The following FANCA variants were observed in gnomAD, a reference collection of about 807,000 sequenced individuals.
The protein encoded by FANCA is Fanconi anemia group A protein.
FANCA carries 236 observed loss-of-function variants against 194.3 expected under a neutral mutation model. The observed-to-expected ratio is 1.21, with a 90% confidence interval of 1.09 to 1.35. The LOEUF (loss-of-function observed/expected upper bound fraction) is 1.35. FANCA is among the 40% of genes most tolerant of loss of function. The pLI is 0.00. For synonymous variants in FANCA, 1,014 were observed against 715.8 expected (o/e 1.42, Z -6.65); for missense variants, 2,628 against 1,813.9 (o/e 1.45, Z -8.15).
In FANCA at chr16:89,742,992, C is replaced by T; in HGVS notation, c.3627-54G>A. On this transcript the variant is annotated intron_variant, in intron 36 of 42. Transcript: ENST00000389301. ...GGGCCTTACAACCATACAACCACGC[C>T]ATAGAAACCAAGTCCTTATTCCCAC... is the stretch of plus-strand genomic sequence containing the variant. The T allele has an allele frequency of 3.1e-6, 5 of 1,588,350 alleles. 1 individual carries two copies. The South Asian group carries it at 3.4e-5, about 11-fold the overall frequency.
intron 10 of FANCA, chr16:89,798,596 C>G (rs2040327448): frequency 8.7e-7 from 1 of 1,150,534 alleles, no homozygotes; most frequent in Non-Finnish European, 1.1e-6. Flanking sequence ...TCCACCAAAC[C>G]CCGATGTCCA....
chr16:89,782,273 AGG>A (rs1178733517), intron 17 of FANCA, among the ~76,000 whole-genome samples: 4 of 151,698 alleles, frequency 2.6e-5, no homozygotes, highest in Non-Finnish European at 5.9e-5. Context: ...GCACTTTGAG[AGG>A]CCAAGGCGGG....
At chr16:89,771,526 C>G in intron 23 of FANCA, 152 bp downstream of exon 23, 1 of 807,364 alleles carries the variant, frequency 1.2e-6, no homozygotes. Context: ...GGCAGCTGAC[C>G]CTGGTACACC....
At chr16:89,747,250 C>A (rs557802409) in intron 33 of FANCA, among the ~76,000 whole-genome samples, 11 of 152,364 alleles carry the variant, frequency 7.2e-5, no homozygotes, top group African/African-American at 2.6e-4. Flanking sequence ...CTGGTCCCTT[C>A]ACTAACCAAG....
chr16:89,787,305 C>T (rs1444213449), intron 14 of FANCA, among the ~76,000 whole-genome samples: 2 of 152,162 alleles, frequency 1.3e-5, no homozygotes, highest in South Asian at 2.1e-4. Flanking sequence ...GGGCAGATCA[C>T]GAGTTCAGGA....
In FANCA at chr16:89,745,009, C is replaced by T. The variant is rs553086820; in HGVS notation, c.3576G>A (p.Pro1192=). 1.2e-4 allele frequency: 190 copies of T among 1,610,906 alleles called. 1 individual carries two copies. In the South Asian group the frequency reaches 1.7e-3, roughly 14 times the overall value. ...LCRWRRHCQS[P]LPRELQKLQE... is the part of the protein sequence containing the mutation. ...GTAGCTTCTGCAGTTCCCGGGGCAG[C>T]GGGCTCTGGCAGTGTCTCCTCCACC... The change falls in exon 36 of 43, where the codon CCG becomes CCA. Residue 1192 remains proline (P), a synonymous_variant. Transcript: ENST00000389301.
intron 39 of FANCA, 165 bp from the exon 40 acceptor site, chr16:89,739,718 G>A: frequency 5.3e-6 from 8 of 1,505,936 alleles, no homozygotes; most frequent in Non-Finnish European, 7.1e-6. Context: ...GTCAGCAGCT[G>A]GGAGAGGATG....
At position 89,773,336 on chromosome 16, in the gene FANCA, A is replaced by T. The variant is rs965355095; in HGVS notation, c.1949T>A (p.Leu650Gln). The change falls in exon 22 of 43, where the codon CTG (leucine) becomes CAG (glutamine). Residue 650 changes from leucine (L) to glutamine (Q), a missense_variant. Transcript: ENST00000389301. ...RAEPNSAEEP[L>Q]GQLTAALGEL... ...TCCCAGTGCAGCTGTGAGCTGTCCC[A>T]GGGGCTCCTCAGCAGAGTTGGGTTC... 1.7e-5 allele frequency: 27 copies of T among 1,551,592 alleles called. No individual in the cohort carries two copies. Among genetic ancestry groups the T allele is most frequent in the Non-Finnish European group, 2.3e-5 (26 of 1,146,984 alleles).
In FANCA at chr16:89,767,153, G is replaced by T. The variant is rs72807571; in HGVS notation, c.2589C>A (p.Gly863=). 744 of 1,611,196 alleles carry T rather than the reference G, an allele frequency of 4.6e-4. No individual in the cohort carries two copies. The highest frequency in any genetic ancestry group is 6.2e-4 in the Non-Finnish European group (727 of 1,177,384). ...AGAGTGAACCTACCTTTTTAATAAGGCCTGGAGATAAGCAGCTGCACAAAG... is the reference window on the plus strand; with the variant it reads ...AGAGTGAACCTACCTTTTTAATAAGTCCTGGAGATAAGCAGCTGCACAAAG... ...RDTLCSCLSP[G]LIKKFQFLMF... is the part of the protein sequence containing the mutation. The change falls in exon 27 of 43, where the codon GGC becomes GGA. Residue 863 remains glycine, a synonymous_variant. Coordinates refer to ENST00000389301, the MANE Select transcript of FANCA (RefSeq NM_000135.4).
At position 89,738,558 on chromosome 16, in the gene FANCA, T is replaced by C. The variant is rs368670194; in HGVS notation, c.*43A>G. 6 of 1,612,190 alleles carry C rather than the reference T, an allele frequency of 3.7e-6. No homozygotes were observed. In the African/African-American group the frequency reaches 5.3e-5, roughly 14 times the overall value. Reference sequence around the variant, plus strand: ...AGCTCCATGTTATGCTTGTAATAAATTATTTACACGGGAGCTGGGCTGGTG... The same window carrying C: ...AGCTCCATGTTATGCTTGTAATAAACTATTTACACGGGAGCTGGGCTGGTG... On this transcript the variant is annotated 3_prime_UTR_variant, in exon 43 of 43. Coordinates refer to ENST00000389301, the MANE Select transcript of FANCA (RefSeq NM_000135.4).
At chr16:89,816,392 G>A (rs919589206) in intron 1 of FANCA, 145 bp downstream of exon 1, 101 of 601,682 alleles carry the variant, frequency 1.7e-4, no homozygotes, top group Middle Eastern at 5.8e-4. Flanking sequence ...CGCCGCCCCA[G>A]CCGGGCGCCC....
chr16:89,814,188 G>A (rs74033884), intron 3 of FANCA, among the ~76,000 whole-genome samples: 13 of 152,256 alleles, frequency 8.5e-5, no homozygotes, highest in African/African-American at 1.7e-4. Flanking sequence ...TTGTTCTCCC[G>A]TCTGCTCTCC....
At chr16:89,784,368 C>CAA (rs58907559) in intron 15 of FANCA, among the ~76,000 whole-genome samples, 1 of 104,062 alleles carries the variant, frequency 9.6e-6, no homozygotes, top group Non-Finnish European at 2.0e-5. Flanking sequence ...GAGACTGTCT[C>CAA]AAAAAAAAAA....
At position 89,806,559 on chromosome 16, in the gene FANCA, G is replaced by C. The variant is rs1321316966; in HGVS notation, c.597-1167C>G. Among the ~76,000 whole-genome samples, 16 of 151,638 alleles carry C rather than the reference G, an allele frequency of 1.1e-4. No individual in the cohort carries two copies. The South Asian group carries it at 3.1e-3, about 30-fold the overall frequency. On this transcript the variant is annotated intron_variant, in intron 6 of 42. Coordinates refer to ENST00000389301, the MANE Select transcript of FANCA (RefSeq NM_000135.4). ...AGGGAGTGGTGATGACTCTTAACGA[G>C]CATGCTGCCTTCAAGCATCTGTTTA... is the stretch of plus-strand genomic sequence containing the variant.
Position 89,759,318 on chromosome 16 carries a change from T to TTAAAAAAAAAAAAAAAAAAAAAAA in FANCA, c.2853-614_2853-613insTTTTTTTTTTTTTTTTTTTTTTTA, listed in dbSNP as rs1224981781. On this transcript the variant is annotated intron_variant, in intron 29 of 42. Transcript: ENST00000389301. ...TTGGGCAACAGAGCGAGACTCCGTCTAAAAAAAAAAAAAAAAAAAAAAAAA... is the reference window on the plus strand; with the variant it reads ...TTGGGCAACAGAGCGAGACTCCGTCTTAAAAAAAAAAAAAAAAAAAAAAAAAAAAAAAAAAAAAAAAAAAAAAAA... 1.5e-4 allele frequency among the ~76,000 whole-genome samples: 11 copies of TTAAAAAAAAAAAAAAAAAAAAAAA among 75,180 alleles called. 2 individuals are homozygous for TTAAAAAAAAAAAAAAAAAAAAAAA. The highest frequency in any genetic ancestry group is 3.1e-4 in the African/African-American group (6 of 19,524). 49.3% of individuals were successfully genotyped at this position (75,180 alleles called of 152,430 possible). A position where few individuals can be genotyped will look rare whatever the true frequency, so the allele number is the denominator to read the frequency against.
At chr16:89,792,799 A>C in intron 11 of FANCA, 2 of 435,068 alleles carry the variant, frequency 4.6e-6, no homozygotes. Flanking sequence ...ATACAAAGCA[A>C]AAGGGGCAGG....
At chr16:89,772,380 C>A (rs1009775088) in intron 22 of FANCA, among the ~76,000 whole-genome samples, 1 of 152,232 alleles carries the variant, frequency 6.6e-6, no homozygotes, top group African/African-American at 2.4e-5. Context: ...GTGAAGACCG[C>A]CAAGGCGCTG....
intron 7 of FANCA, among the ~76,000 whole-genome samples, 166 bp from the exon 8 acceptor site, chr16:89,803,507 C>T (rs1260791671): frequency 1.3e-5 from 2 of 152,192 alleles, no homozygotes; most frequent in Non-Finnish European, 2.9e-5. Context: ...AGTTACTGCT[C>T]ACCTGACCAC....
chr16:89,815,816 G>A (rs949905675), intron 2 of FANCA, 61 bp downstream of exon 2: 1 of 1,278,276 alleles, frequency 7.8e-7, no homozygotes, highest in South Asian at 1.2e-5. Flanking sequence ...GCTGTGCGGT[G>A]GCTGGACTCA....
Sources: allele counts gnomAD v4.1 joint callset (sites outside exome capture counted in the v4.1 genomes callset), GRCh38; gene constraint gnomAD v4.1.1; transcripts MANE v1.5; gene names NCBI Gene and HGNC (gene_info 2026-07-23, HGNC 2026-07-21).